Variants in NELL2 observed in about 807,000 individuals in gnomAD.
The protein encoded by NELL2 is neural EGFL like 2.
NELL2 carries 41 observed loss-of-function variants against 109.6 expected under a neutral mutation model. The ratio of observed to expected loss-of-function variants is 0.37; its 90% CI spans 0.29 to 0.49. The LOEUF (loss-of-function observed/expected upper bound fraction) is 0.49, where lower values mean the gene tolerates loss of function less well. NELL2 is among the 20% of genes least tolerant of loss of function. The pLI is 0.98. For synonymous variants in NELL2, 355 were observed against 344.7 expected, an observed-to-expected ratio of 1.03 and a Z score of -0.33; for missense variants, 900 against 1,008.3, an observed-to-expected ratio of 0.89 and a Z score of 1.45.
intron 15 of NELL2, among the ~76,000 whole-genome samples, chr12:44,552,003 C>T (rs895967349): frequency 6.6e-6 from 1 of 152,136 alleles, no homozygotes; most frequent in Non-Finnish European, 1.5e-5. Context: ...GGTATGCTTT[C>T]GGGAGACTGG....
At chr12:44,687,302 G>C (rs914545235) in intron 12 of NELL2, among the ~76,000 whole-genome samples, 8 of 152,168 alleles carry the variant, frequency 5.3e-5, no homozygotes, top group Admixed American at 2.6e-4. Context: ...TGCGCCCACT[G>C]TCTGGCACTC....
chr12:44,521,296 C>A (rs1201202529), intron 18 of NELL2, among the ~76,000 whole-genome samples: 1 of 151,900 alleles, frequency 6.6e-6, no homozygotes, highest in African/African-American at 2.4e-5. Flanking sequence ...TTTGGGAGGC[C>A]GAGGCGGGCG....
intron 9 of NELL2, among the ~76,000 whole-genome samples, chr12:44,773,123 C>T (rs185883858): frequency 1.7e-3 from 261 of 152,258 alleles, no homozygotes; most frequent in Middle Eastern, 3.4e-3. Flanking sequence ...TCACTTAATG[C>T]AAATCTGTCA....
At chr12:44,889,252 T>G (rs1254856368) in intron 1 of NELL2, among the ~76,000 whole-genome samples, 1 of 152,008 alleles carries the variant, frequency 6.6e-6, no homozygotes, top group Non-Finnish European at 1.5e-5. Context: ...GTAAGAGAAC[T>G]GAAAATGTGA....
intron 13 of NELL2, among the ~76,000 whole-genome samples, chr12:44,656,779 T>G (rs1592279856): frequency 6.6e-6 from 1 of 152,344 alleles, no homozygotes; most frequent in Non-Finnish European, 1.5e-5. Flanking sequence ...TTATGGTACA[T>G]GCACACACGA....
At chr12:44,819,026 G>A (rs986033667) in intron 2 of NELL2, among the ~76,000 whole-genome samples, 1 of 152,132 alleles carries the variant, frequency 6.6e-6, no homozygotes, top group African/African-American at 2.4e-5. Context: ...ACAGGCGTGA[G>A]CCACCGCGCC....
Position 44,882,296 on chromosome 12 carries a change from C to A in NELL2, c.39-6396G>T, listed in dbSNP as rs138669688. Among the ~76,000 whole-genome samples, 1,172 of 151,328 alleles carry A rather than the reference C, an allele frequency of 7.7e-3. 24 individuals are homozygous for A. Among genetic ancestry groups the A allele is most frequent in the African/African-American group, 0.025 (1,034 of 41,018 alleles). On this transcript the variant is annotated intron_variant, in intron 1 of 20. Coordinates refer to the NELL2 transcript ENST00000333837. ...CCATTGCTGCGGTAACAAATTACCACAACTTTGGTGGATTAAAACAACACA... is the reference window on the plus strand; with the variant it reads ...CCATTGCTGCGGTAACAAATTACCAAAACTTTGGTGGATTAAAACAACACA...
intron 1 of NELL2, among the ~76,000 whole-genome samples, chr12:44,889,975 G>A (rs2136868174): frequency 6.6e-6 from 1 of 152,262 alleles, no homozygotes; most frequent in African/African-American, 2.4e-5. Context: ...CTTAGGCCGG[G>A]TTTCCCAAAT....
At chr12:44,719,807 T>C (rs1231065826) in intron 9 of NELL2, among the ~76,000 whole-genome samples, 6 of 152,124 alleles carry the variant, frequency 3.9e-5, no homozygotes, top group Non-Finnish European at 8.8e-5. Context: ...TCTGAGCCAA[T>C]ATTTTGTTAG....
At chr12:44,902,691 G>A (rs1480391359) in intron 1 of NELL2, among the ~76,000 whole-genome samples, 1 of 152,146 alleles carries the variant, frequency 6.6e-6, no homozygotes, top group African/African-American at 2.4e-5. Context: ...CATGGTACTG[G>A]TACGAAAACA....
intron 12 of NELL2, among the ~76,000 whole-genome samples, chr12:44,682,150 G>C (rs1364089249): frequency 2.0e-5 from 3 of 149,822 alleles, no homozygotes; most frequent in Non-Finnish European, 4.4e-5. Flanking sequence ...GTTTTGATTT[G>C]CATTTCTCTG....
intron 19 of NELL2, among the ~76,000 whole-genome samples, chr12:44,512,102 C>G (rs763099218): frequency 5.9e-5 from 9 of 151,896 alleles, no homozygotes; most frequent in Non-Finnish European, 1.0e-4. Flanking sequence ...AGATTCATAC[C>G]CAGAATGTAC....
chr12:44,896,547 A>G (rs1477079153), intron 1 of NELL2, among the ~76,000 whole-genome samples: 1 of 152,220 alleles, frequency 6.6e-6, no homozygotes, highest in Non-Finnish European at 1.5e-5. Flanking sequence ...GCCCTTAAGG[A>G]ACATATAAAC....
intron 19 of NELL2, among the ~76,000 whole-genome samples, chr12:44,510,774 T>C (rs896074201): frequency 2.0e-5 from 3 of 152,184 alleles, no homozygotes; most frequent in Non-Finnish European, 2.9e-5. Flanking sequence ...GATTGAGACT[T>C]GTAGAACTCA....
chr12:44,597,495 T>G (rs1472411569), intron 15 of NELL2, among the ~76,000 whole-genome samples: 1 of 152,190 alleles, frequency 6.6e-6, no homozygotes, highest in African/African-American at 2.4e-5. Context: ...ATAGGTTAAG[T>G]TTGCATTTTC....
rs367859713 is a variant in NELL2 at position 44,567,089 on chromosome 12, C to T, written c.1664-34368G>A. ...CATCCCAAAATGCTGGGATTACAGG[C>T]GTGAGCCACTGCGTCTGGCCTACTA... On this transcript the variant is annotated intron_variant, in intron 15 of 19. Coordinates refer to ENST00000429094, the MANE Select transcript of NELL2 (RefSeq NM_001145108.2). Among the ~76,000 whole-genome samples, 11 of 152,216 alleles carry T rather than the reference C, an allele frequency of 7.2e-5. No homozygotes were observed. The South Asian group carries it at 1.2e-3, about 17-fold the overall frequency.
At chr12:44,904,741 T>C (rs181073185) in intron 1 of NELL2, among the ~76,000 whole-genome samples, 1 of 152,296 alleles carries the variant, frequency 6.6e-6, no homozygotes, top group African/African-American at 2.4e-5. Flanking sequence ...GTTACACAAT[T>C]TATTTTCTAA....
In NELL2 at chr12:44,577,745, T is replaced by C. The variant is rs571848810; in HGVS notation, c.1663+29424A>G. ...CGCCCACCTCGGCCTCCCAGAGTGC[T>C]AGGATTACAGGCATGAGTCACTGCA... On this transcript the variant is annotated intron_variant, in intron 15 of 19. Coordinates refer to ENST00000429094, the MANE Select transcript of NELL2 (RefSeq NM_001145108.2). Among the ~76,000 whole-genome samples, 7 of 152,236 alleles carry C rather than the reference T, an allele frequency of 4.6e-5. No individual in the cohort carries two copies. The South Asian group carries it at 1.5e-3, about 32-fold the overall frequency.
intron 9 of NELL2, among the ~76,000 whole-genome samples, chr12:44,762,572 C>T (rs1040060160): frequency 6.6e-6 from 1 of 152,146 alleles, no homozygotes; most frequent in African/African-American, 2.4e-5. Context: ...CTTAATTTAA[C>T]GCCATCCTAC....
Sources: allele counts gnomAD v4.1 joint callset (sites outside exome capture counted in the v4.1 genomes callset), GRCh38; gene constraint gnomAD v4.1.1; transcripts MANE v1.5; gene names NCBI Gene and HGNC (gene_info 2026-07-23, HGNC 2026-07-21).